Variants in DLGAP1 observed in about 807,000 individuals in gnomAD.
DLGAP1 encodes the protein disks large-associated protein 1.
A neutral mutation model predicts 90.8 loss-of-function variants in DLGAP1; 11 were observed. The ratio of observed to expected loss-of-function variants is 0.12; its 90% CI spans 0.08 to 0.20. The LOEUF (loss-of-function observed/expected upper bound fraction) is 0.20, where lower values mean the gene tolerates loss of function less well. Among genes scored for constraint, DLGAP1 ranks in the 10% least tolerant of loss-of-function variants. DLGAP1 has a pLI of 1.00. For missense variants in DLGAP1, 1,050 were observed against 1,333.8 expected, an observed-to-expected ratio of 0.79 and a Z score of 3.31; for synonymous variants, 558 against 540.7, an observed-to-expected ratio of 1.03 and a Z score of -0.44.
At chr18:3,813,099 G>A (rs1024277357) in intron 5 of DLGAP1, among the ~76,000 whole-genome samples, 3 of 152,076 alleles carry the variant, frequency 2.0e-5, no homozygotes, top group Admixed American at 6.6e-5. Context: ...GGTTTCCTGC[G>A]TAGCGCTATT....
intron 4 of DLGAP1, among the ~76,000 whole-genome samples, chr18:3,857,499 C>T (rs1327034694): frequency 6.7e-6 from 1 of 149,744 alleles, no homozygotes; most frequent in African/African-American, 2.4e-5. Context: ...AAACTCTTGG[C>T]ATGTGCAGTA....
At chr18:4,178,202 AACACACACACACACACACACACACAC>A (rs59444096) in intron 1 of DLGAP1, among the ~76,000 whole-genome samples, 3 of 118,410 alleles carry the variant, frequency 2.5e-5, no homozygotes, top group Non-Finnish European at 3.5e-5. Flanking sequence ...TCCTGGAATA[AACACACACACACACACACACACACAC>A]ACACACACAC....
At chr18:3,853,388 T>C (rs757482154) in intron 4 of DLGAP1, among the ~76,000 whole-genome samples, 1 of 152,124 alleles carries the variant, frequency 6.6e-6, no homozygotes, top group Non-Finnish European at 1.5e-5. Flanking sequence ...TGTAAGACAG[T>C]AGCCCCATAA....
At chr18:3,624,070 A>G (rs1249588835) in intron 7 of DLGAP1, among the ~76,000 whole-genome samples, 2 of 152,160 alleles carry the variant, frequency 1.3e-5, no homozygotes, top group African/African-American at 2.4e-5. Context: ...GGTGAGTGAC[A>G]GCATTTGAGA....
intron 3 of DLGAP1, among the ~76,000 whole-genome samples, chr18:4,000,597 A>G (rs1186110598): frequency 6.6e-6 from 1 of 152,228 alleles, no homozygotes; most frequent in East Asian, 1.9e-4. Context: ...TCCCCAGGAA[A>G]GGCTCATAGG....
chr18:4,094,223 T>C (rs988611265), intron 2 of DLGAP1, among the ~76,000 whole-genome samples: 4 of 152,190 alleles, frequency 2.6e-5, no homozygotes, highest in African/African-American at 9.6e-5. Context: ...CTTTGTTCCT[T>C]AGTTTTATCT....
intron 5 of DLGAP1, among the ~76,000 whole-genome samples, chr18:3,766,943 A>G (rs992140613): frequency 6.6e-6 from 1 of 152,110 alleles, no homozygotes; most frequent in African/African-American, 2.4e-5. Flanking sequence ...ACAAGCAGAA[A>G]AACAATATAA....
intron 2 of DLGAP1, among the ~76,000 whole-genome samples, chr18:4,008,137 C>A (rs980463604): frequency 6.6e-6 from 1 of 151,936 alleles, no homozygotes; most frequent in Admixed American, 6.6e-5. Context: ...CCACCTTATC[C>A]ATGGGGGATA....
At chr18:4,357,086 T>C (rs1157464203) in intron 1 of DLGAP1, among the ~76,000 whole-genome samples, 2 of 36,060 alleles carry the variant, frequency 5.5e-5, no homozygotes, top group East Asian at 4.3e-3. Context: ...TGTATATACG[T>C]GTGCGTGTGT....
chr18:4,111,962 A>T (rs980083705), intron 2 of DLGAP1, among the ~76,000 whole-genome samples: 80 of 150,570 alleles, frequency 5.3e-4, no homozygotes, highest in South Asian at 2.9e-3. Context: ...TAATAATAAT[A>T]ATTATTATTT....
chr18:3,679,804 A>G (rs2060443985), intron 7 of DLGAP1: 2 of 151,040 alleles, frequency 1.3e-5, no homozygotes. Flanking sequence ...ACAAAGGGAC[A>G]TGAAGTATCA....
intron 1 of DLGAP1, among the ~76,000 whole-genome samples, chr18:4,178,233 AC>A (rs1248781863): frequency 3.4e-4 from 51 of 151,262 alleles, no homozygotes; most frequent in Admixed American, 1.8e-3. Flanking sequence ...ACACACACAC[AC>A]ACACACACAC....
intron 9 of DLGAP1, among the ~76,000 whole-genome samples, chr18:3,555,310 G>A (rs1167643938): frequency 6.6e-6 from 1 of 152,160 alleles, no homozygotes; most frequent in East Asian, 1.9e-4. Context: ...GTTTTGGAAA[G>A]CTAAGTACTA....
chr18:3,741,882 G>A (rs531366873), intron 6 of DLGAP1, among the ~76,000 whole-genome samples: 4 of 148,654 alleles, frequency 2.7e-5, no homozygotes, highest in African/African-American at 5.0e-5. Context: ...TTGCTATGTC[G>A]CCCAGGCTGG....
At chr18:4,311,476 A>G (rs940066361) in intron 1 of DLGAP1, among the ~76,000 whole-genome samples, 2 of 152,230 alleles carry the variant, frequency 1.3e-5, no homozygotes, top group African/African-American at 4.8e-5. Flanking sequence ...TGAAATGTTA[A>G]TACCAGGTTT....
intron 1 of DLGAP1, among the ~76,000 whole-genome samples, chr18:4,221,992 C>T (rs2144977381): frequency 6.6e-6 from 1 of 152,156 alleles, no homozygotes; most frequent in Admixed American, 6.6e-5. Flanking sequence ...TTCCCAAAAC[C>T]TTGTTGTTGC....
intron 1 of DLGAP1, among the ~76,000 whole-genome samples, chr18:4,236,672 T>G (rs1288672975): frequency 6.6e-6 from 1 of 151,962 alleles, no homozygotes; most frequent in Non-Finnish European, 1.5e-5. Context: ...TTATTCCCCA[T>G]GTTGAGCTAC....
At chr18:3,661,918 GGGAGGACTGAAAATTGTCACT>G in intron 7 of DLGAP1, among the ~76,000 whole-genome samples, 1 of 152,116 alleles carries the variant, frequency 6.6e-6, no homozygotes. Context: ...GGTGAAGGCT[GGGAGGACTGAAAATTGTCACT>G]GGAGCCTGGA....
intron 2 of DLGAP1, among the ~76,000 whole-genome samples, chr18:4,109,988 C>T (rs1252815914): frequency 4.0e-5 from 6 of 150,548 alleles, no homozygotes; most frequent in Non-Finnish European, 8.8e-5. Flanking sequence ...ATATGTTTCA[C>T]ATGTGTAGAA....
Sources: allele counts gnomAD v4.1 joint callset (sites outside exome capture counted in the v4.1 genomes callset), GRCh38; gene constraint gnomAD v4.1.1; transcripts MANE v1.5; gene names NCBI Gene and HGNC (gene_info 2026-07-23, HGNC 2026-07-21).